Variants in HCFC2 observed in about 807,000 individuals in gnomAD.
The protein encoded by HCFC2 is host cell factor C2.
In HCFC2, 18 loss-of-function variants were observed where a neutral mutation model predicts 89.2. The ratio of observed to expected loss-of-function variants is 0.20; its 90% confidence interval spans 0.14 to 0.30. HCFC2 has a LOEUF of 0.30. HCFC2 is among the 10% of genes least tolerant of loss of function. The pLI, the probability that HCFC2 is intolerant of heterozygous loss-of-function variation, is 1.00. For synonymous variants in HCFC2, 308 were observed against 335.7 expected, an observed-to-expected ratio of 0.92 and a Z score of 0.90; for missense variants, 578 against 956.1, an observed-to-expected ratio of 0.60 and a Z score of 5.21.
At chr12:104,084,647 C>T (rs1883783155) in intron 7 of HCFC2, among the ~76,000 whole-genome samples, 1 of 152,142 alleles carries the variant, frequency 6.6e-6, no homozygotes, top group Non-Finnish European at 1.5e-5. Flanking sequence ...AGAGATGTGA[C>T]ACATTCTGAT....
Position 104,064,931 on chromosome 12 carries a change from A to T in HCFC2, c.163+208A>T. 2.4e-6 allele frequency: 1 copy of T among 411,756 alleles called. No individual in the cohort carries two copies. The highest frequency in any genetic ancestry group is 7.4e-5 in the South Asian group (1 of 13,512). 25.5% of individuals were successfully genotyped at this position (411,756 alleles called of 1,614,324 possible). ...AGGATCTCCGGGGCCCTTGGGGCGC[A>T]ACGGACCCCGAGCGGGGCGCACCGG... On this transcript the variant is annotated intron_variant, in intron 1 of 14. Coordinates refer to ENST00000229330, the MANE Select transcript of HCFC2 (RefSeq NM_013320.3). This position sits in a 1 kb window ranked among gnomAD's most constrained non-coding sequence, Gnocchi z 7.3.
At chr12:104,084,737 C>G (rs1259331818) in intron 7 of HCFC2, among the ~76,000 whole-genome samples, 2 of 152,056 alleles carry the variant, frequency 1.3e-5, no homozygotes, top group South Asian at 2.1e-4. Flanking sequence ...AAATCTCTTG[C>G]AGTAGTCAAA....
chr12:104,087,425 GTGTGTGTGTGTGTGTGTA>G (rs1470407005), intron 8 of HCFC2, among the ~76,000 whole-genome samples: 94 of 110,234 alleles, frequency 8.5e-4, no homozygotes, highest in African/African-American at 2.7e-3. Flanking sequence ...GTGTGTGTGT[GTGTGTGTGTGTGTGTGTA>G]TGTGTGTGTG....
chr12:104,068,596 A>C lies in HCFC2; in HGVS notation c.473+489A>C, dbSNP rs3850022. The stretch of plus-strand genomic sequence containing the variant: ...CTAGCATATACTTTTACAATCAATT[A>C]TTTCCTCCTTTTTCCCAAACAGAAT... On this transcript the variant is annotated intron_variant, in intron 3 of 14. Coordinates refer to ENST00000229330, the MANE Select transcript of HCFC2 (RefSeq NM_013320.3). This position sits in a 1 kb window ranked among gnomAD's most constrained non-coding sequence, Gnocchi z 4.1. Among the ~76,000 whole-genome samples, 21,261 of 152,106 alleles carry C rather than the reference A, an allele frequency of 0.14. 1,812 individuals carry two copies. Among genetic ancestry groups the C allele is most frequent in the Admixed American group, 0.22 (3,301 of 15,288 alleles).
intron 7 of HCFC2, among the ~76,000 whole-genome samples, chr12:104,084,216 A>G (rs1166787335): frequency 6.6e-6 from 1 of 152,224 alleles, no homozygotes; most frequent in Non-Finnish European, 1.5e-5. Context: ...GTACGACAGC[A>G]AGGAGATAAT....
At chr12:104,087,409 A>ATGTGTG (rs1566232250) in intron 8 of HCFC2, among the ~76,000 whole-genome samples, 6 of 52,226 alleles carry the variant, frequency 1.1e-4, no homozygotes, top group African/African-American at 3.7e-4. Context: ...ATACTGCAGT[A>ATGTGTG]CGTGTGTGTG....
chr12:104,083,164 C>T (rs548600040), intron 7 of HCFC2, among the ~76,000 whole-genome samples: 30 of 152,072 alleles, frequency 2.0e-4, no homozygotes, highest in Non-Finnish European at 3.1e-4. Flanking sequence ...CTGGCAAGCA[C>T]GAGAAACCTG....
intron 3 of HCFC2, among the ~76,000 whole-genome samples, chr12:104,077,820 T>C (rs907898460): frequency 2.6e-5 from 4 of 152,040 alleles, no homozygotes. Context: ...TTCTGTATGT[T>C]CCATATATTT....
chr12:104,064,624 G>A lies in HCFC2; in HGVS notation c.64G>A (p.Ala22Thr). 1.3e-6 allele frequency: 2 copies of A among 1,578,694 alleles called. No individual in the cohort carries two copies. Among genetic ancestry groups the A allele is most frequent in the African/African-American group, 1.4e-5 (1 of 71,500 alleles). Residue 22 changes from alanine to threonine, a missense_variant, in exon 1 of 15, where the codon GCC becomes ACC. Coordinates refer to ENST00000229330, the MANE Select transcript of HCFC2 (RefSeq NM_013320.3). The surrounding 1 kb of genome is among the most constrained non-coding windows in gnomAD (Gnocchi z 7.3). ...TTCCTTCACGGGGCCGGTCCCCCGCGCCCGGCACGGACACCGAGCGGTGGC... is the reference window on the plus strand; with the variant it reads ...TTCCTTCACGGGGCCGGTCCCCCGCACCCGGCACGGACACCGAGCGGTGGC... ...VSSFTGPVPR[A>T]RHGHRAVAIR...
chr12:104,080,121 A>G (rs1474883729), intron 4 of HCFC2, among the ~76,000 whole-genome samples: 2 of 152,124 alleles, frequency 1.3e-5, no homozygotes, highest in Non-Finnish European at 2.9e-5. Flanking sequence ...TGTGCCTCTC[A>G]CCTTTGACTA....
chr12:104,084,262 G>A (rs1375459546), intron 7 of HCFC2, among the ~76,000 whole-genome samples: 4 of 152,216 alleles, frequency 2.6e-5, no homozygotes, highest in African/African-American at 7.2e-5. Flanking sequence ...AATAAGTTCA[G>A]TTTCTGTTAA....
chr12:104,075,680 G>A (rs1274685328), intron 3 of HCFC2, among the ~76,000 whole-genome samples: 1 of 152,056 alleles, frequency 6.6e-6, no homozygotes, highest in Non-Finnish European at 1.5e-5. Context: ...GGCTGGTCTT[G>A]AACTCCTGGC....
chr12:104,066,403 G>A, intron 2 of HCFC2, 88 bp downstream of exon 2: 1 of 910,868 alleles, frequency 1.1e-6, no homozygotes, highest in Non-Finnish European at 1.7e-6. Flanking sequence ...TACTAACATT[G>A]TTTAACACAT....
Position 104,088,019 on chromosome 12 carries a change from A to G in HCFC2, c.1265A>G (p.Asn422Ser). Residue 422 changes from asparagine (N) to serine (S), a missense_variant, in exon 9 of 15, where the codon AAT becomes AGT. Asn to Ser is a conservative substitution (Grantham distance 46). Transcript: ENST00000229330. ...VRMDPHRQGS[N>S]NIVPNSINDT... is the part of the protein sequence containing the mutation. Reference sequence around the variant, plus strand: ...ATGGACCCTCACAGACAAGGCAGTAATAACATCGTTCCTAACAGTGTAAGT... The same window carrying G: ...ATGGACCCTCACAGACAAGGCAGTAGTAACATCGTTCCTAACAGTGTAAGT... 1 of 1,608,474 alleles carries G rather than the reference A, an allele frequency of 6.2e-7. No individual in the cohort carries two copies. The highest frequency in any genetic ancestry group is 8.5e-7 in the Non-Finnish European group (1 of 1,176,686).
rs757023847 is a variant in HCFC2 at position 104,064,546 on chromosome 12, G to A, written c.-15G>A. On this transcript the variant is annotated 5_prime_UTR_variant, in exon 1 of 15. Transcript: ENST00000229330. This position sits in a 1 kb window ranked among gnomAD's most constrained non-coding sequence, Gnocchi z 7.3. ...GGAGCGGTGCATTGTGGGCAGAGGGGCGGGGGTTGGGAAGATGGCGGCTCC... is the reference window on the plus strand; with the variant it reads ...GGAGCGGTGCATTGTGGGCAGAGGGACGGGGGTTGGGAAGATGGCGGCTCC... 6.7e-7 allele frequency: 1 copy of A among 1,489,088 alleles called. No individual in the cohort carries two copies. Among genetic ancestry groups the A allele is most frequent in the Non-Finnish European group, 8.9e-7 (1 of 1,117,700 alleles). The allele number at this position is 1,489,088 out of a possible 1,614,324, so 92.2% of individuals were successfully genotyped here.
intron 3 of HCFC2, among the ~76,000 whole-genome samples, chr12:104,070,080 T>C (rs1394324341): frequency 6.6e-6 from 1 of 152,140 alleles, no homozygotes; most frequent in African/African-American, 2.4e-5. Context: ...TGAAGTGCAG[T>C]GGCGCAATCC....
At chr12:104,080,406 T>C in intron 4 of HCFC2, 1 of 193,992 alleles carries the variant, frequency 5.2e-6, no homozygotes, top group Non-Finnish European at 1.1e-5. Flanking sequence ...AAATACTATA[T>C]AAATGGTTGT....
chr12:104,078,808 C>A (rs992686410), intron 3 of HCFC2, among the ~76,000 whole-genome samples: 2 of 152,142 alleles, frequency 1.3e-5, no homozygotes, highest in Non-Finnish European at 2.9e-5. Flanking sequence ...GATGGCTGGG[C>A]AGTCAGCTGA....
At chr12:104,080,191 A>G (rs917309352) in intron 4 of HCFC2, among the ~76,000 whole-genome samples, 5 of 152,162 alleles carry the variant, frequency 3.3e-5, no homozygotes, top group Non-Finnish European at 7.4e-5. Context: ...TTTTTAATTC[A>G]CAATTGGTGG....
Sources: gnomAD v4.1 joint callset for allele counts (sites outside exome capture counted in the v4.1 genomes callset) on GRCh38, gnomAD v4.1.1 for gene constraint, Gnocchi (gnomAD v3.1) non-coding constraint, MANE v1.5 for transcripts, NCBI Gene and HGNC (gene_info 2026-07-23, HGNC 2026-07-21) for gene names.